The following CUL5 variants were observed in gnomAD, a reference collection of about 807,000 sequenced individuals.
CUL5 encodes the protein cullin 5, also known as cullin-5.
In CUL5, 26 loss-of-function variants were observed where a neutral mutation model predicts 108.8. The ratio of observed to expected loss-of-function variants is 0.24; its 90% CI spans 0.18 to 0.33. The LOEUF is 0.33. Ranked by LOEUF, CUL5 falls within the 10% of genes least tolerant of loss-of-function variation. The pLI is 1.00. For missense variants in CUL5, 524 were observed against 909.2 expected, an observed-to-expected ratio of 0.58 and a Z score of 5.45; for synonymous variants, 334 against 298.0, an observed-to-expected ratio of 1.12 and a Z score of -1.25.
intron 1 of CUL5, among the ~76,000 whole-genome samples, chr11:108,033,559 C>G (rs1022682094): frequency 5.3e-5 from 8 of 152,138 alleles, no homozygotes; most frequent in East Asian, 3.8e-4. Context: ...AGAAGAAAGA[C>G]CAGACTGTCT....
At chr11:108,035,208 A>G (rs1370922124) in intron 2 of CUL5, among the ~76,000 whole-genome samples, 1 of 151,970 alleles carries the variant, frequency 6.6e-6, no homozygotes, top group African/African-American at 2.4e-5. Flanking sequence ...AAGGGGCTAC[A>G]CTCTTTGTGA....
intron 3 of CUL5, among the ~76,000 whole-genome samples, chr11:108,049,460 A>G (rs1172317746): frequency 1.3e-5 from 2 of 149,386 alleles, no homozygotes; most frequent in Middle Eastern, 3.4e-3. Flanking sequence ...TCCCACCTCA[A>G]CCTCCTAAGT....
At chr11:108,103,075 CAT>C (rs1226041000) in intron 18 of CUL5, among the ~76,000 whole-genome samples, 1 of 152,208 alleles carries the variant, frequency 6.6e-6, no homozygotes, top group African/African-American at 2.4e-5. Flanking sequence ...AGATTACACA[CAT>C]GAGCCACCAC....
At chr11:108,058,128 G>T (rs1279155434) in intron 7 of CUL5, among the ~76,000 whole-genome samples, 1 of 139,484 alleles carries the variant, frequency 7.2e-6, no homozygotes, top group Non-Finnish European at 1.5e-5. Context: ...AGAATCTCTT[G>T]AACCTGGGAG....
At chr11:108,090,150 T>G (rs1864315523) in intron 13 of CUL5, among the ~76,000 whole-genome samples, 1 of 152,130 alleles carries the variant, frequency 6.6e-6, no homozygotes, top group Admixed American at 6.6e-5. Context: ...ACTGTTTCAC[T>G]CCCATTTGTA....
rs1163084227 is a variant in CUL5 at position 108,095,592 on chromosome 11, A to G, written c.1806A>G (p.Val602=). The change falls in exon 16 of 19, where the codon GTA becomes GTG. Residue 602 remains valine, a synonymous_variant. Transcript: ENST00000393094. ...DLEVTTFQLA[V]LFAWNQRPRE... is the part of the protein sequence containing the mutation. ...AGGTAACCACGTTTCAGCTCGCTGT[A>G]TTGTTTGCATGGAACCAAAGACCCA... 4 of 1,613,824 alleles carry G rather than the reference A, an allele frequency of 2.5e-6. No individual in the cohort carries two copies. Among genetic ancestry groups the G allele is most frequent in the African/African-American group, 1.3e-5 (1 of 74,918 alleles).
At chr11:108,098,956 A>G (rs888659859) in intron 18 of CUL5, among the ~76,000 whole-genome samples, 1 of 151,620 alleles carries the variant, frequency 6.6e-6, no homozygotes, top group Non-Finnish European at 1.5e-5. Context: ...CAAATTTTTC[A>G]ACTTTTACTA....
At chr11:108,047,710 TTAAA>T (rs1354755941) in intron 3 of CUL5, among the ~76,000 whole-genome samples, 1 of 152,210 alleles carries the variant, frequency 6.6e-6, no homozygotes, top group African/African-American at 2.4e-5. Flanking sequence ...ACTTAGAAAA[TTAAA>T]TGTTTCAGTA....
intron 4 of CUL5, among the ~76,000 whole-genome samples, chr11:108,050,400 T>G (rs1863185230): frequency 6.6e-6 from 1 of 151,794 alleles, no homozygotes; most frequent in African/African-American, 2.4e-5. Context: ...GGAGTGTCAC[T>G]CTGTCGCCTA....
chr11:108,058,541 C>T (rs887434592), intron 7 of CUL5, among the ~76,000 whole-genome samples: 31 of 151,596 alleles, frequency 2.0e-4, no homozygotes, highest in African/African-American at 7.3e-4. Context: ...AGCCACTGCA[C>T]CCGGCCCAAA....
intron 7 of CUL5, among the ~76,000 whole-genome samples, chr11:108,069,518 C>A (rs1236410766): frequency 6.6e-6 from 1 of 151,904 alleles, no homozygotes; most frequent in African/African-American, 2.4e-5. Flanking sequence ...TTTTAACTAC[C>A]CTAGAAAAAA....
intron 13 of CUL5, 45 bp downstream of exon 13, chr11:108,089,668 C>T: frequency 9.6e-7 from 1 of 1,041,758 alleles, no homozygotes; most frequent in South Asian, 2.0e-5. Flanking sequence ...TACATTACAT[C>T]ATTTATATGT....
At chr11:108,039,626 A>G (rs186097185) in intron 2 of CUL5, among the ~76,000 whole-genome samples, 1 of 152,352 alleles carries the variant, frequency 6.6e-6, no homozygotes, top group Admixed American at 6.5e-5. Context: ...ATTAAACAAT[A>G]ATTCTTCATT....
intron 1 of CUL5, among the ~76,000 whole-genome samples, chr11:108,010,022 C>T (rs1328480076): frequency 2.0e-5 from 3 of 152,202 alleles, no homozygotes; most frequent in Non-Finnish European, 4.4e-5. Flanking sequence ...CGTTTTAGGG[C>T]GCAGGAAAGT....
chr11:108,064,603 G>T (rs553026781), intron 7 of CUL5, among the ~76,000 whole-genome samples: 1 of 152,066 alleles, frequency 6.6e-6, no homozygotes, highest in Non-Finnish European at 1.5e-5. Context: ...CCAGCTACTC[G>T]GGAGGCTAAG....
intron 10 of CUL5, among the ~76,000 whole-genome samples, chr11:108,075,998 A>G (rs1223821678): frequency 5.9e-5 from 9 of 151,972 alleles, no homozygotes; most frequent in Admixed American, 5.3e-4. Flanking sequence ...CATGAATCCA[A>G]TATACAGTAT....
intron 2 of CUL5, among the ~76,000 whole-genome samples, chr11:108,035,666 CA>C (rs1487707527): frequency 6.6e-6 from 1 of 151,424 alleles, no homozygotes; most frequent in African/African-American, 2.4e-5. Context: ...CTTGAGCCCT[CA>C]AGCAGATTGC....
rs1322178555 is a variant in CUL5 at position 108,073,500 on chromosome 11, A to G, written c.1113+3A>G. 20 of 1,262,202 alleles carry G rather than the reference A, an allele frequency of 1.6e-5. No individual in the cohort carries two copies. Among genetic ancestry groups the G allele is most frequent in the Non-Finnish European group, 2.0e-5 (18 of 901,512 alleles). 78.2% of individuals were successfully genotyped at this position (1,262,202 alleles called of 1,614,324 possible). A position where few individuals can be genotyped will look rare whatever the true frequency, so the allele number is the denominator to read the frequency against. ...GATTTCTTACTGCAAGAGATAAGGT[A>G]TATATTCCTATATATATAAAAAACA... On this transcript the variant is annotated splice_donor_region_variant and intron_variant, in intron 10 of 18. Coordinates refer to ENST00000393094, the MANE Select transcript of CUL5 (RefSeq NM_003478.6).
At chr11:108,018,938 C>G (rs562733133) in intron 1 of CUL5, among the ~76,000 whole-genome samples, 10 of 152,088 alleles carry the variant, frequency 6.6e-5, no homozygotes, top group African/African-American at 2.2e-4. Flanking sequence ...GCCTCAGTTT[C>G]TATATCTATA....
Sources: allele counts gnomAD v4.1 joint callset (sites outside exome capture counted in the v4.1 genomes callset), GRCh38; gene constraint gnomAD v4.1.1; transcripts MANE v1.5; gene names NCBI Gene and HGNC (gene_info 2026-07-23, HGNC 2026-07-21).